Variants in PLEKHG5 observed in about 807,000 individuals in gnomAD.
PLEKHG5 encodes the protein pleckstrin homology and RhoGEF domain containing G5.
A neutral mutation model predicts 103.8 loss-of-function variants in PLEKHG5; 52 were observed. The ratio of observed to expected loss-of-function variants is 0.50; its 90% CI spans 0.40 to 0.63. The LOEUF is 0.63. PLEKHG5 is among the 30% of genes least tolerant of loss of function. The pLI is 0.00. For missense variants in PLEKHG5, 1,205 were observed against 1,347.6 expected (o/e 0.89, Z 1.66); for synonymous variants, 592 against 575.5 (o/e 1.03, Z -0.41).
rs1384210203 is a variant in PLEKHG5 at position 6,487,317 on chromosome 1, G to T, written c.-88+4320C>A. On this transcript the variant is annotated intron_variant, in intron 1 of 20. Transcript: ENST00000377728. This position sits in a 1 kb window ranked among gnomAD's most constrained non-coding sequence, Gnocchi z 4.1. ...TTTAGTAGAGATGGGGTTTCGCCATGTTGACCAGGCTGGTCACTAACTCCT... is the reference window on the plus strand; with the variant it reads ...TTTAGTAGAGATGGGGTTTCGCCATTTTGACCAGGCTGGTCACTAACTCCT... 6.6e-6 allele frequency among the ~76,000 whole-genome samples: 1 copy of T among 152,168 alleles called. No individual in the cohort carries two copies. The highest frequency in any genetic ancestry group is 6.5e-5 in the Admixed American group (1 of 15,278).
At position 6,486,859 on chromosome 1, in the gene PLEKHG5, T is replaced by C. The variant is rs998563698; in HGVS notation, c.-88+4778A>G. The stretch of plus-strand genomic sequence containing the variant: ...AGACTGTGGCTCTGGGATTCTGGGA[T>C]GGCCTCCTTGGGACACTCCTCAGAA... On this transcript the variant is annotated intron_variant, in intron 1 of 20. Transcript: ENST00000377728. The surrounding 1 kb of genome is among the most constrained non-coding windows in gnomAD (Gnocchi z 5.3). 6.6e-6 allele frequency among the ~76,000 whole-genome samples: 1 copy of C among 152,196 alleles called. No homozygotes were observed. The highest frequency in any genetic ancestry group is 2.4e-5 in the African/African-American group (1 of 41,452).
In PLEKHG5 at chr1:6,477,642, T is replaced by G. The variant is rs916561388; in HGVS notation, c.-71A>C. Reference sequence around the variant, plus strand: ...CCCCCGGCGGTGCAGCTGCTGGCAGTCGGCGTGGTGACATACCTGGGGTGG... The same window carrying G: ...CCCCCGGCGGTGCAGCTGCTGGCAGGCGGCGTGGTGACATACCTGGGGTGG... On this transcript the variant is annotated 5_prime_UTR_variant, in exon 2 of 21. Transcript: ENST00000377728. 13 of 1,605,228 alleles carry G rather than the reference T, an allele frequency of 8.1e-6. No individual in the cohort carries two copies. In the East Asian group the frequency reaches 2.9e-4, roughly 36 times the overall value.
At chr1:6,492,214 G>A (rs114053060), upstream of PLEKHG5, among the ~76,000 whole-genome samples, 1,461 of 152,232 alleles carry the variant, frequency 9.6e-3, 21 homozygotes, top group African/African-American at 0.033. Context: ...GATCAATGGC[G>A]GCTGCTGGAA....
intron 1 of PLEKHG5, among the ~76,000 whole-genome samples, chr1:6,479,948 C>T (rs1045607860): frequency 3.3e-5 from 5 of 152,146 alleles, no homozygotes; most frequent in African/African-American, 9.7e-5. Flanking sequence ...CCAGCAGCCT[C>T]GCACAGAGCT....
chr1:6,476,137 A>G (rs961174372), intron 2 of PLEKHG5, 101 bp from the exon 3 acceptor site: 60 of 981,844 alleles, frequency 6.1e-5, no homozygotes, highest in Non-Finnish European at 8.5e-5. Context: ...TGGAACCCCC[A>G]GATTAAAGGT....
intron 7 of PLEKHG5, 64 bp downstream of exon 7, chr1:6,473,949 G>T: frequency 6.8e-7 from 1 of 1,471,220 alleles, no homozygotes; most frequent in Non-Finnish European, 9.3e-7. Context: ...CCTCTGAGGA[G>T]GGGCTGTGGG....
At position 6,474,608 on chromosome 1, in the gene PLEKHG5, A is replaced by C. The variant is rs748743601; in HGVS notation, c.303-21T>G. On this transcript the variant is annotated intron_variant, in intron 5 of 20. Transcript: ENST00000377728. ...CCTCCCTGCCCCCAGGACAGGAGGC[A>C]TGTGTGTTAGAACCAGGCGGCCAGT... The C allele has an allele frequency of 3.7e-6, 6 of 1,612,648 alleles. No individual in the cohort carries two copies. The Admixed American group carries it at 6.7e-5, about 18-fold the overall frequency.
At chr1:6,498,452 C>T (rs1645258279), upstream of PLEKHG5, among the ~76,000 whole-genome samples, 4 of 152,206 alleles carry the variant, frequency 2.6e-5, no homozygotes, top group Admixed American at 2.6e-4. Flanking sequence ...CCCGGGTCTC[C>T]TGAGCTCTCT....
Position 6,468,450 on chromosome 1 carries a change from C to G in PLEKHG5, c.2386G>C (p.Ala796Pro), listed in dbSNP as rs542852694. The change falls in exon 20 of 21, where the codon GCC (alanine) becomes CCC (proline). Residue 796 changes from alanine to proline, a missense_variant. Transcript: ENST00000377728. ...GGCAGCAGCTCACTGGTGGGCGTGG[C>G]AGATGAGGCAGTGGTGCTGAGAGAG... is the stretch of plus-strand genomic sequence containing the variant. Reference protein sequence around the residue: ...ETSLSTTASSATPTSELLPLG... With the variant: ...ETSLSTTASSPTPTSELLPLG... The G allele has an allele frequency of 3.1e-6, 5 of 1,612,892 alleles. No homozygotes were observed. The African/African-American group carries it at 4.0e-5, about 13-fold the overall frequency.
chr1:6,475,821 C>T, intron 3 of PLEKHG5, 110 bp downstream of exon 3: 1 of 963,262 alleles, frequency 1.0e-6, no homozygotes, highest in Non-Finnish European at 1.7e-6. Flanking sequence ...GAGGTCTGCC[C>T]ATCAGCCTTA....
intron 1 of PLEKHG5, chr1:6,485,727 G>T (rs1473872499): frequency 3.4e-5 from 12 of 348,986 alleles, no homozygotes; most frequent in Non-Finnish European, 5.2e-5. Context: ...CAGACCCGGG[G>T]ACTCCACACC....
intron 1 of PLEKHG5, among the ~76,000 whole-genome samples, chr1:6,513,115 C>T (rs1173460844): frequency 6.6e-6 from 1 of 152,276 alleles, no homozygotes; most frequent in East Asian, 1.9e-4. Flanking sequence ...CGCTGTGGAG[C>T]TCCCCTCGCT....
In PLEKHG5 at chr1:6,475,619, C is replaced by G. The variant is rs1261261494; in HGVS notation, c.150-97G>C. On this transcript the variant is annotated intron_variant, in intron 3 of 20. Coordinates refer to ENST00000377728, the MANE Select transcript of PLEKHG5 (RefSeq NM_020631.6). ...TGTGGCCTCCCCGCCCTTGGCTCACCCCAGGTGACAGGTAACCCGCGTGGA... is the reference window on the plus strand; with the variant it reads ...TGTGGCCTCCCCGCCCTTGGCTCACGCCAGGTGACAGGTAACCCGCGTGGA... 2.8e-6 allele frequency: 3 copies of G among 1,064,908 alleles called. No individual in the cohort carries two copies. The African/African-American group carries it at 4.6e-5, about 16-fold the overall frequency. 66.0% of individuals were successfully genotyped at this position (1,064,908 alleles called of 1,614,324 possible). A position where few individuals can be genotyped will look rare whatever the true frequency, so the allele number is the denominator to read the frequency against.
chr1:6,497,317 C>T (rs1185944802), upstream of PLEKHG5: 4 of 1,169,598 alleles, frequency 3.4e-6, no homozygotes, highest in East Asian at 5.7e-5. The surrounding 1 kb of genome is among the most constrained non-coding windows in gnomAD (Gnocchi z 6.1). Context: ...CGCCTGCACT[C>T]ACCCATGGAG....
chr1:6,472,474 G>A, intron 10 of PLEKHG5, 53 bp downstream of exon 10: 2 of 1,260,584 alleles, frequency 1.6e-6, no homozygotes, highest in South Asian at 2.4e-5. Context: ...GCTGAGGGCT[G>A]TCAGAAAGAG....
At position 6,470,290 on chromosome 1, in the gene PLEKHG5, C is replaced by T. The variant is rs754094101; in HGVS notation, c.1746G>A (p.Thr582=). Residue 582 remains threonine (T), a synonymous_variant, in exon 16 of 21, where the codon ACG becomes ACA. Coordinates refer to ENST00000377728, the MANE Select transcript of PLEKHG5 (RefSeq NM_020631.6). ...GGCTCCCCTCCAGCAGCAGCTGCCG[C>T]GTCTCCTCCGGGGAGGCGCCAGGGA... ...APIPGASPEE[T]RQLLLEGSLR... The T allele has an allele frequency of 1.2e-6, 2 of 1,614,032 alleles. No homozygotes were observed. The highest frequency in any genetic ancestry group is 1.7e-6 in the Non-Finnish European group (2 of 1,179,988).
At chr1:6,484,169 C>T (rs1005717515) in intron 1 of PLEKHG5, among the ~76,000 whole-genome samples, 3 of 152,246 alleles carry the variant, frequency 2.0e-5, no homozygotes, top group Non-Finnish European at 4.4e-5. Flanking sequence ...CCCTGATTCG[C>T]TCCTTACGGA....
intron 1 of PLEKHG5, among the ~76,000 whole-genome samples, chr1:6,519,030 G>A (rs1167734871): frequency 1.3e-5 from 2 of 152,220 alleles, no homozygotes. Flanking sequence ...TTTTAGTAGA[G>A]ACGGGGTTTC....
At position 6,477,644 on chromosome 1, in the gene PLEKHG5, G is replaced by C. The variant is rs189176513; in HGVS notation, c.-73C>G. 2.5e-6 allele frequency: 4 copies of C among 1,605,418 alleles called. No homozygotes were observed. Among genetic ancestry groups the C allele is most frequent in the Non-Finnish European group, 3.4e-6 (4 of 1,179,898 alleles). ...CCCGGCGGTGCAGCTGCTGGCAGTC[G>C]GCGTGGTGACATACCTGGGGTGGGG... On this transcript the variant is annotated 5_prime_UTR_variant, in exon 2 of 21. Transcript: ENST00000377728.
Sources: gnomAD v4.1 joint callset for allele counts (sites outside exome capture counted in the v4.1 genomes callset) on GRCh38, gnomAD v4.1.1 for gene constraint, Gnocchi (gnomAD v3.1) non-coding constraint, MANE v1.5 for transcripts, NCBI Gene and HGNC (gene_info 2026-07-23, HGNC 2026-07-21) for gene names.